ARMH3: variants seen among roughly 807,000 people sequenced by gnomAD.
ARMH3 encodes the protein armadillo-like helical domain-containing protein 3.
ARMH3 carries 60 observed loss-of-function variants against 99.1 expected under a neutral mutation model. The observed-to-expected ratio is 0.61, with a 90% CI of 0.49 to 0.75. ARMH3 has a LOEUF of 0.75. Ranked by LOEUF, ARMH3 falls within the 30% of genes least tolerant of loss-of-function variation. The pLI, the probability that ARMH3 is intolerant of heterozygous loss-of-function variation, is 0.00. For synonymous variants in ARMH3, 285 were observed against 292.8 expected (o/e 0.97, Z 0.27); for missense variants, 679 against 843.1 (o/e 0.81, Z 2.41).
chr10:101,965,381 C>T (rs188158099), intron 20 of ARMH3, among the ~76,000 whole-genome samples: 2 of 152,226 alleles, frequency 1.3e-5, no homozygotes, highest in South Asian at 4.1e-4. Flanking sequence ...AGGAAAGGAG[C>T]CAAATATACT....
chr10:102,031,595 CA>C (rs2067132479), intron 4 of ARMH3, among the ~76,000 whole-genome samples: 1 of 152,172 alleles, frequency 6.6e-6, no homozygotes, highest in South Asian at 2.1e-4. Context: ...CTTTCTGGGA[CA>C]TCAACTCAAG....
Position 101,908,709 on chromosome 10 carries a change from G to A in ARMH3, c.1782-19219C>T, listed in dbSNP as rs529554496. Among the ~76,000 whole-genome samples, 14 of 150,686 alleles carry A rather than the reference G, an allele frequency of 9.3e-5. No individual in the cohort carries two copies. The South Asian group carries it at 2.9e-3, about 32-fold the overall frequency. The stretch of plus-strand genomic sequence containing the variant: ...ACAGAGTTTCGCTCTTGTCACCAAG[G>A]CTGGAGTGCAATGGCGCAGTCTCAG... On this transcript the variant is annotated intron_variant, in intron 23 of 25. Transcript: ENST00000370033.
chr10:101,981,757 G>A (rs1178472432), intron 19 of ARMH3, among the ~76,000 whole-genome samples: 1 of 151,980 alleles, frequency 6.6e-6, no homozygotes, highest in Admixed American at 6.5e-5. Flanking sequence ...GGTGGCTCAC[G>A]CCTGTAATCC....
chr10:101,958,111 G>T (rs1319338782), intron 20 of ARMH3, among the ~76,000 whole-genome samples: 1 of 152,162 alleles, frequency 6.6e-6, no homozygotes. Flanking sequence ...ACCCTCAGCT[G>T]CTAGCTTCTA....
chr10:101,875,393 T>G (rs1230555425), intron 24 of ARMH3, among the ~76,000 whole-genome samples: 3 of 152,188 alleles, frequency 2.0e-5, no homozygotes, highest in African/African-American at 7.2e-5. Context: ...CTCAATATAA[T>G]TATTTGGAAA....
chr10:102,023,422 C>T (rs1035430907), intron 8 of ARMH3, 55 bp downstream of exon 8: 15 of 1,485,470 alleles, frequency 1.0e-5, no homozygotes, highest in Admixed American at 7.8e-5. Context: ...TAGGAGGGGC[C>T]GCATTTAAGA....
intron 23 of ARMH3, among the ~76,000 whole-genome samples, chr10:101,910,728 T>A (rs1438819134): frequency 7.4e-6 from 1 of 134,586 alleles, no homozygotes; most frequent in Non-Finnish European, 1.6e-5. Context: ...CAAGACTCCA[T>A]CTCAAAAAAA....
chr10:101,960,179 A>C (rs1425918042), intron 20 of ARMH3, among the ~76,000 whole-genome samples: 2 of 146,764 alleles, frequency 1.4e-5, no homozygotes, highest in African/African-American at 5.0e-5. Context: ...CTCCTTCTCC[A>C]AAAAAAAAAA....
At chr10:101,980,578 C>T (rs768798928) in intron 19 of ARMH3, among the ~76,000 whole-genome samples, 5 of 152,210 alleles carry the variant, frequency 3.3e-5, no homozygotes, top group South Asian at 2.1e-4. Context: ...GGATTACAGG[C>T]GGGAGCCACC....
chr10:101,879,811 A>G (rs188232526), intron 24 of ARMH3, among the ~76,000 whole-genome samples: 1 of 152,274 alleles, frequency 6.6e-6, no homozygotes, highest in Non-Finnish European at 1.5e-5. Context: ...TGGTCCAGGG[A>G]AGACAGTGGT....
At chr10:101,906,291 G>T (rs1300844160) in intron 23 of ARMH3, among the ~76,000 whole-genome samples, 1 of 152,130 alleles carries the variant, frequency 6.6e-6, no homozygotes, top group Non-Finnish European at 1.5e-5. Context: ...GAAGTTACTG[G>T]GTCATAAGGT....
intron 19 of ARMH3, among the ~76,000 whole-genome samples, chr10:101,980,471 A>G (rs1590124731): frequency 6.6e-6 from 1 of 151,864 alleles, no homozygotes; most frequent in Non-Finnish European, 1.5e-5. Flanking sequence ...GCTGATTTTT[A>G]TATTTTTAGT....
chr10:102,017,782 A>G (rs1035284267), intron 8 of ARMH3, among the ~76,000 whole-genome samples: 4 of 152,214 alleles, frequency 2.6e-5, no homozygotes, highest in Non-Finnish European at 5.9e-5. Flanking sequence ...TTCCTCCAAG[A>G]CAATGAAAAC....
chr10:101,909,093 T>C (rs1457906859), intron 23 of ARMH3, among the ~76,000 whole-genome samples: 5 of 151,728 alleles, frequency 3.3e-5, no homozygotes, highest in African/African-American at 9.7e-5. Context: ...GATAGTACCA[T>C]GTTCAGAACA....
intron 24 of ARMH3, among the ~76,000 whole-genome samples, chr10:101,887,168 C>T (rs1033625231): frequency 6.6e-6 from 1 of 152,152 alleles, no homozygotes; most frequent in African/African-American, 2.4e-5. Context: ...TGTCATTTAG[C>T]ACCCTTCAAA....
chr10:101,881,972 C>T (rs932916696), intron 24 of ARMH3, among the ~76,000 whole-genome samples: 3 of 152,148 alleles, frequency 2.0e-5, no homozygotes, highest in African/African-American at 7.2e-5. Flanking sequence ...AGATCTTTCC[C>T]TAACAGAATA....
chr10:101,924,079 G>A (rs1033570996), intron 23 of ARMH3, among the ~76,000 whole-genome samples: 6 of 152,148 alleles, frequency 3.9e-5, no homozygotes, highest in Admixed American at 1.3e-4. Context: ...TGTAGAAGGC[G>A]TATTTATTAA....
At chr10:101,949,472 C>T (rs1433356350) in intron 22 of ARMH3, among the ~76,000 whole-genome samples, 3 of 151,900 alleles carry the variant, frequency 2.0e-5, no homozygotes, top group Admixed American at 6.6e-5. Context: ...ATAAAAGTGA[C>T]AACAAAATAA....
intron 22 of ARMH3, among the ~76,000 whole-genome samples, chr10:101,947,684 C>T (rs1360288089): frequency 6.6e-6 from 1 of 151,962 alleles, no homozygotes; most frequent in East Asian, 1.9e-4. Context: ...CCTGTAATCC[C>T]AACTACTTGG....
Sources: allele counts gnomAD v4.1 joint callset (sites outside exome capture counted in the v4.1 genomes callset), GRCh38; gene constraint gnomAD v4.1.1; transcripts MANE v1.5; gene names NCBI Gene and HGNC (gene_info 2026-07-23, HGNC 2026-07-21).